The following FAM222B variants were observed in gnomAD, a reference collection of about 807,000 sequenced individuals.
FAM222B encodes the protein protein FAM222B.
Under a neutral mutation model 38.0 loss-of-function variants are expected in FAM222B, and 12 were observed. The observed-to-expected ratio is 0.32, with a 90% CI of 0.20 to 0.51. The LOEUF is 0.51. Among genes scored for constraint, FAM222B ranks in the 20% least tolerant of loss-of-function variants. The probability of loss-of-function intolerance (pLI) is 0.97; values close to 1 mark genes in which losing one functional copy is unlikely to be tolerated. For missense variants in FAM222B, 716 were observed against 754.2 expected, an observed-to-expected ratio of 0.95 and a Z score of 0.59; for synonymous variants, 329 against 317.2, an observed-to-expected ratio of 1.04 and a Z score of -0.40.
At chr17:28,762,989 A>G (rs2035157764) in intron 2 of FAM222B, among the ~76,000 whole-genome samples, 1 of 151,968 alleles carries the variant, frequency 6.6e-6, no homozygotes, top group African/African-American at 2.4e-5. Context: ...CCACACAGGC[A>G]CCCTGACTAC....
chr17:28,816,107 C>T (rs1279066160), intron 1 of FAM222B, among the ~76,000 whole-genome samples: 2 of 151,674 alleles, frequency 1.3e-5, no homozygotes, highest in African/African-American at 2.4e-5. Context: ...GAAACCTCAT[C>T]GCTACAATTA....
intron 1 of FAM222B, among the ~76,000 whole-genome samples, chr17:28,793,402 A>G (rs2036791811): frequency 6.6e-6 from 1 of 152,180 alleles, no homozygotes; most frequent in African/African-American, 2.4e-5. Flanking sequence ...AAAAAGTTTC[A>G]AATGACATCA....
At chr17:28,783,514 A>ATTTT (rs780468798) in intron 1 of FAM222B, among the ~76,000 whole-genome samples, 1 of 97,190 alleles carries the variant, frequency 1.0e-5, no homozygotes, top group African/African-American at 3.5e-5. Flanking sequence ...CCTTCATGAG[A>ATTTT]TTTTTTTTTT....
At chr17:28,775,932 C>A (rs983318058) in intron 1 of FAM222B, among the ~76,000 whole-genome samples, 4 of 151,284 alleles carry the variant, frequency 2.6e-5, no homozygotes. Context: ...CAAAAAGAGC[C>A]GGGCATGGTG....
intron 1 of FAM222B, among the ~76,000 whole-genome samples, chr17:28,841,811 G>A (rs1345476979): frequency 1.3e-5 from 2 of 152,152 alleles, no homozygotes; most frequent in Non-Finnish European, 2.9e-5. Flanking sequence ...TAAAAACGCC[G>A]GAGTACGGTA....
chr17:28,816,211 A>T (rs2038017246), intron 1 of FAM222B, among the ~76,000 whole-genome samples: 1 of 151,834 alleles, frequency 6.6e-6, no homozygotes, highest in Admixed American at 6.6e-5. Context: ...CAGGAGGCAG[A>T]GATTACAATG....
At chr17:28,776,055 A>C (rs1308596726) in intron 1 of FAM222B, among the ~76,000 whole-genome samples, 2 of 150,676 alleles carry the variant, frequency 1.3e-5, no homozygotes, top group Admixed American at 1.3e-4. Context: ...CAGCCTGGGC[A>C]ACAAAGTGAG....
At chr17:28,845,515 T>G (rs1199691569), upstream of FAM222B, among the ~76,000 whole-genome samples, 1 of 150,824 alleles carries the variant, frequency 6.6e-6, no homozygotes, top group Non-Finnish European at 1.5e-5. Context: ...GAAGCGGAGC[T>G]TGCAGTGAGC....
chr17:28,789,095 A>C (rs1244889979), intron 1 of FAM222B, among the ~76,000 whole-genome samples: 1 of 151,184 alleles, frequency 6.6e-6, no homozygotes, highest in East Asian at 1.9e-4. Flanking sequence ...AAAAAAAAAA[A>C]AAAAAAAACT....
intron 2 of FAM222B, chr17:28,762,238 C>G (rs185747520): frequency 6.6e-6 from 1 of 152,166 alleles, no homozygotes; most frequent in East Asian, 1.9e-4. Flanking sequence ...AAGGAAGAAC[C>G]CCAAAGATGA....
chr17:28,842,498 G>A (rs1415196499), intron 1 of FAM222B, among the ~76,000 whole-genome samples, 184 bp downstream of exon 1: 1 of 152,092 alleles, frequency 6.6e-6, no homozygotes, highest in African/African-American at 2.4e-5. Flanking sequence ...CCACCAAGCT[G>A]TCCAGCTCTG....
intron 1 of FAM222B, among the ~76,000 whole-genome samples, chr17:28,771,951 G>A (rs2035653601): frequency 6.6e-6 from 1 of 152,144 alleles, no homozygotes; most frequent in Non-Finnish European, 1.5e-5. Flanking sequence ...CAGCTACTCA[G>A]GAGTCTGAGG....
intron 1 of FAM222B, among the ~76,000 whole-genome samples, chr17:28,810,367 C>T (rs1391572209): frequency 6.6e-6 from 1 of 152,082 alleles, no homozygotes; most frequent in Non-Finnish European, 1.5e-5. Flanking sequence ...TATATACTAG[C>T]TAACTCTGTT....
chr17:28,759,141 T>C lies in FAM222B; in HGVS notation c.818A>G (p.Asn273Ser). The C allele has an allele frequency of 6.2e-7, 1 of 1,612,426 alleles. No individual in the cohort carries two copies. Among genetic ancestry groups the C allele is most frequent in the Middle Eastern group, 1.7e-4 (1 of 6,060 alleles). ...GCCTGCCCTCGTCTGGCAAAACTGG[T>C]TGATCTGGTGCACGATGCTACTCAG... ...PDLSSIVHQI[N>S]QFCQTRAGIS... is the part of the protein sequence containing the mutation. The change falls in exon 3 of 3, where the codon AAC becomes AGC. Residue 273 changes from asparagine (N) to serine (S), a missense_variant. Coordinates refer to ENST00000581407, the MANE Select transcript of FAM222B (RefSeq NM_001077498.3). This position sits in a 1 kb window ranked among gnomAD's most constrained non-coding sequence, Gnocchi z 4.8.
chr17:28,826,788 T>C (rs1334609238), intron 1 of FAM222B, among the ~76,000 whole-genome samples: 1 of 151,890 alleles, frequency 6.6e-6, no homozygotes, highest in Non-Finnish European at 1.5e-5. Flanking sequence ...GTACTGCCAA[T>C]GCTGAAAACA....
At chr17:28,790,884 C>CATTTTT (rs71135852) in intron 1 of FAM222B, among the ~76,000 whole-genome samples, 3,782 of 86,006 alleles carry the variant, frequency 0.044, 1,305 homozygotes, top group East Asian at 0.077. Context: ...AATTGTTTCA[C>CATTTTT]TTTTTTTTTT....
At chr17:28,806,655 C>G (rs2037510201) in intron 1 of FAM222B, among the ~76,000 whole-genome samples, 1 of 152,062 alleles carries the variant, frequency 6.6e-6, no homozygotes. Context: ...TTTATTTTTT[C>G]TTTCTCCAAT....
At chr17:28,786,892 G>GTAT (rs2036434436) in intron 1 of FAM222B, among the ~76,000 whole-genome samples, 1 of 116,308 alleles carries the variant, frequency 8.6e-6, no homozygotes, top group African/African-American at 3.2e-5. Context: ...GCCCTTCACT[G>GTAT]TATTTTTTTT....
intron 1 of FAM222B, among the ~76,000 whole-genome samples, chr17:28,781,368 A>AAT (rs145636101): frequency 0.036 from 5,485 of 150,446 alleles, 284 homozygotes; most frequent in African/African-American, 0.11. Flanking sequence ...TGGCTATTAA[A>AAT]ATATATATAT....
Sources: gnomAD v4.1 joint callset for allele counts (sites outside exome capture counted in the v4.1 genomes callset) on GRCh38, gnomAD v4.1.1 for gene constraint, Gnocchi (gnomAD v3.1) non-coding constraint, MANE v1.5 for transcripts, NCBI Gene and HGNC (gene_info 2026-07-23, HGNC 2026-07-21) for gene names.